MEF2D: variants seen among roughly 807,000 people sequenced by gnomAD.
The protein encoded by MEF2D is myocyte-specific enhancer factor 2D.
MEF2D carries 10 observed loss-of-function variants against 59.3 expected under a neutral mutation model. The observed-to-expected ratio is 0.17, with a 90% CI of 0.10 to 0.29. MEF2D has a LOEUF of 0.29. Among genes scored for constraint, MEF2D ranks in the 10% least tolerant of loss-of-function variants. The pLI is 1.00. For missense variants in MEF2D, 508 were observed against 699.4 expected (o/e 0.73, Z 3.09); for synonymous variants, 305 against 295.0 (o/e 1.03, Z -0.35).
intron 1 of MEF2D, among the ~76,000 whole-genome samples, chr1:156,484,702 C>T (rs536672370): frequency 6.6e-6 from 1 of 152,348 alleles, no homozygotes; most frequent in South Asian, 2.1e-4. Flanking sequence ...ACTAGTTGAA[C>T]AGCTCCATGC....
At chr1:156,490,271 T>C (rs963414940) in intron 1 of MEF2D, among the ~76,000 whole-genome samples, 5 of 151,286 alleles carry the variant, frequency 3.3e-5, no homozygotes, top group African/African-American at 1.2e-4. Context: ...CTGCCCCCTC[T>C]CTGTCCCCGC....
rs114421930 is a variant in MEF2D at position 156,488,815 on chromosome 1, C to T, written c.-138-5385G>A. Among the ~76,000 whole-genome samples the T allele has an allele frequency of 4.5e-3, 684 of 152,284 alleles. 5 individuals are homozygous for T. Among genetic ancestry groups the T allele is most frequent in the African/African-American group, 0.016 (668 of 41,558 alleles). ...GGGAGAGGTCAGGGTAGCCTCCTTG[C>T]AGCTGCAGCAGGGCTGAGCAGGGCT... On this transcript the variant is annotated intron_variant, in intron 1 of 11. Coordinates refer to ENST00000348159, the MANE Select transcript of MEF2D (RefSeq NM_005920.4).
Position 156,479,284 on chromosome 1 carries a change from AC to A in MEF2D, c.664+5del. Reference sequence around the variant, plus strand: ...CACCTCCAGGTAGAAGGATGACTGCACTCACCAACAGGGCTGGGGCAGGCTC... The same window carrying A: ...CACCTCCAGGTAGAAGGATGACTGCATCACCAACAGGGCTGGGGCAGGCTC... On this transcript the variant is annotated splice_donor_5th_base_variant and intron_variant, in intron 6 of 11. Coordinates refer to ENST00000348159, the MANE Select transcript of MEF2D (RefSeq NM_005920.4). 1 of 1,610,122 alleles carries A rather than the reference AC, an allele frequency of 6.2e-7. No homozygotes were observed. The highest frequency in any genetic ancestry group is 8.5e-7 in the Non-Finnish European group (1 of 1,178,458).
chr1:156,489,219 G>C (rs576876572), intron 1 of MEF2D, among the ~76,000 whole-genome samples: 1 of 152,190 alleles, frequency 6.6e-6, no homozygotes, highest in Non-Finnish European at 1.5e-5. Context: ...GGAGGCGCTG[G>C]AGACAGCTGT....
At position 156,464,972 on chromosome 1, in the gene MEF2D, A is replaced by G. The variant is rs1670753355; in HGVS notation, c.*2673T>C. The G allele has an allele frequency of 1.3e-5, 2 of 152,202 alleles. No homozygotes were observed. The highest frequency in any genetic ancestry group is 1.3e-4 in the Admixed American group (2 of 15,282). 9.4% of individuals were successfully genotyped at this position (152,202 alleles called of 1,614,324 possible). On this transcript the variant is annotated 3_prime_UTR_variant, in exon 12 of 12. Coordinates refer to ENST00000348159, the MANE Select transcript of MEF2D (RefSeq NM_005920.4). ...TTTATTGAGCACCTATCATTCAACT[A>G]TTCACCCATTCAGCATTTATTGAGT...
chr1:156,492,942 G>A (rs1231574977), intron 1 of MEF2D, among the ~76,000 whole-genome samples: 2 of 152,206 alleles, frequency 1.3e-5, no homozygotes, highest in Non-Finnish European at 2.9e-5. Context: ...TAAGTGCATG[G>A]GGTAATGAGG....
intron 6 of MEF2D, among the ~76,000 whole-genome samples, chr1:156,478,407 G>A (rs1671755913): frequency 6.6e-6 from 1 of 152,146 alleles, no homozygotes; most frequent in Non-Finnish European, 1.5e-5. Context: ...CTCTGGGAAT[G>A]GCAGGAATGT....
At chr1:156,488,740 C>G (rs1672541691) in intron 1 of MEF2D, among the ~76,000 whole-genome samples, 1 of 152,180 alleles carries the variant, frequency 6.6e-6, no homozygotes, top group Non-Finnish European at 1.5e-5. Context: ...ATGATGCTAT[C>G]TCAGTTCCTG....
At chr1:156,476,377 C>G in intron 8 of MEF2D, 117 bp downstream of exon 8, 1 of 1,244,014 alleles carries the variant, frequency 8.0e-7, no homozygotes, top group South Asian at 1.3e-5. Flanking sequence ...AGCAAAGAAA[C>G]AGCAACAGTT....
At chr1:156,489,168 G>A (rs979716015) in intron 1 of MEF2D, among the ~76,000 whole-genome samples, 3 of 152,178 alleles carry the variant, frequency 2.0e-5, no homozygotes, top group Non-Finnish European at 4.4e-5. Context: ...CTTCCTCCCA[G>A]GCTGCTCCGG....
rs1040529577 is a variant in MEF2D at position 156,464,091 on chromosome 1, C to T, written c.*3554G>A. 3.3e-5 allele frequency: 5 copies of T among 152,508 alleles called. No individual in the cohort carries two copies. The highest frequency in any genetic ancestry group is 1.2e-4 in the African/African-American group (5 of 41,382). 9.4% of individuals were successfully genotyped at this position (152,508 alleles called of 1,614,324 possible). On this transcript the variant is annotated 3_prime_UTR_variant, in exon 12 of 12. Transcript: ENST00000348159. The stretch of plus-strand genomic sequence containing the variant: ...CCAGATTCTCCATTCCAGCCTCCCT[C>T]CCCCCATACAAATACCATTCCTTCT...
At chr1:156,486,629 C>G (rs754477272) in intron 1 of MEF2D, among the ~76,000 whole-genome samples, 6 of 152,190 alleles carry the variant, frequency 3.9e-5, no homozygotes, top group Admixed American at 6.5e-5. Context: ...GAAGAGAAGC[C>G]TCTCTTTGTT....
At position 156,465,840 on chromosome 1, in the gene MEF2D, T is replaced by A. The variant is rs1670805503; in HGVS notation, c.*1805A>T. 1 of 152,036 alleles carries A rather than the reference T, an allele frequency of 6.6e-6. No individual in the cohort carries two copies. Among genetic ancestry groups the A allele is most frequent in the African/African-American group, 2.4e-5 (1 of 41,334 alleles). The allele number at this position is 152,036 out of a possible 1,614,324, so 9.4% of individuals were successfully genotyped here. On this transcript the variant is annotated 3_prime_UTR_variant, in exon 12 of 12. Transcript: ENST00000348159. Reference sequence around the variant, plus strand: ...TATGGGAATACTGCAAGAGGCTGGGTCATAGAGGTGGGCAAAGACGGTCGG... The same window carrying A: ...TATGGGAATACTGCAAGAGGCTGGGACATAGAGGTGGGCAAAGACGGTCGG...
At chr1:156,476,281 GCACA>G (rs139853010) in intron 8 of MEF2D, among the ~76,000 whole-genome samples, 1 of 151,862 alleles carries the variant, frequency 6.6e-6, no homozygotes, top group Non-Finnish European at 1.5e-5. Context: ...GTACACACAG[GCACA>G]CACACACACG....
chr1:156,477,566 A>C (rs113053292), intron 6 of MEF2D, among the ~76,000 whole-genome samples: 9,268 of 152,144 alleles, frequency 0.061, 980 homozygotes, highest in African/African-American at 0.21. Flanking sequence ...TCTCTACTTT[A>C]GTCTCCACAG....
chr1:156,499,917 C>T (rs1673381128), intron 1 of MEF2D, among the ~76,000 whole-genome samples: 1 of 152,086 alleles, frequency 6.6e-6, no homozygotes, highest in African/African-American at 2.4e-5. Context: ...CACCCCAACC[C>T]ACTACCCCGG....
chr1:156,493,605 T>G (rs916144199), intron 1 of MEF2D, among the ~76,000 whole-genome samples: 2 of 152,142 alleles, frequency 1.3e-5, no homozygotes, highest in Non-Finnish European at 2.9e-5. Flanking sequence ...TGCACAAGGC[T>G]ATGCAGATAC....
rs1234293023 is a variant in MEF2D at position 156,477,206 on chromosome 1, G to A, written c.665-4C>T. On this transcript the variant is annotated splice_polypyrimidine_tract_variant and splice_region_variant and intron_variant, in intron 6 of 11. Coordinates refer to ENST00000348159, the MANE Select transcript of MEF2D (RefSeq NM_005920.4). ...CGAGCACTGACGTAGCCATTCCCTGGAGAAGTGACAACAAGAGGGTAAAAG... is the reference window on the plus strand; with the variant it reads ...CGAGCACTGACGTAGCCATTCCCTGAAGAAGTGACAACAAGAGGGTAAAAG... 1.3e-6 allele frequency: 2 copies of A among 1,591,352 alleles called. No homozygotes were observed. Among genetic ancestry groups the A allele is most frequent in the South Asian group, 1.1e-5 (1 of 88,032 alleles).
At position 156,480,975 on chromosome 1, in the gene MEF2D, T is replaced by C; in HGVS notation, c.259-4A>G. Reference sequence around the variant, plus strand: ...TGAAGCCCTTCTTCCTCAGGGTCTGTAACCGCACCACTGCCATCAGCTGGG... The same window carrying C: ...TGAAGCCCTTCTTCCTCAGGGTCTGCAACCGCACCACTGCCATCAGCTGGG... On this transcript the variant is annotated splice_region_variant and splice_polypyrimidine_tract_variant and intron_variant, in intron 3 of 11. Transcript: ENST00000348159. 1.9e-6 allele frequency: 3 copies of C among 1,611,730 alleles called. No individual in the cohort carries two copies. The highest frequency in any genetic ancestry group is 2.5e-6 in the Non-Finnish European group (3 of 1,179,906).
Sources: gnomAD v4.1 joint callset for allele counts (sites outside exome capture counted in the v4.1 genomes callset) on GRCh38, gnomAD v4.1.1 for gene constraint, MANE v1.5 for transcripts, NCBI Gene and HGNC (gene_info 2026-07-23, HGNC 2026-07-21) for gene names.